The following CERS6 variants were observed in gnomAD, a reference collection of about 807,000 sequenced individuals.
The protein encoded by CERS6 is ceramide synthase 6.
Under a neutral mutation model 56.8 loss-of-function variants are expected in CERS6, and 26 were observed. The ratio of observed to expected loss-of-function variants is 0.46; its 90% confidence interval spans 0.34 to 0.63. The LOEUF is 0.63. CERS6 is among the 30% of genes least tolerant of loss of function. The pLI is 0.01. For missense variants in CERS6, 415 were observed against 467.5 expected, an observed-to-expected ratio of 0.89 and a Z score of 1.04; for synonymous variants, 164 against 173.3, an observed-to-expected ratio of 0.95 and a Z score of 0.42.
At chr2:168,577,260 G>A (rs1683297445) in intron 3 of CERS6, among the ~76,000 whole-genome samples, 2 of 152,290 alleles carry the variant, frequency 1.3e-5, no homozygotes, top group East Asian at 1.9e-4. Context: ...AGATAGGTGA[G>A]TGAGGAGGCC....
intron 8 of CERS6, among the ~76,000 whole-genome samples, chr2:168,761,760 C>T (rs1234470221): frequency 6.6e-6 from 1 of 152,104 alleles, no homozygotes; most frequent in Non-Finnish European, 1.5e-5. Context: ...AGAGTTGAGC[C>T]TTGTTGTCCC....
At chr2:168,481,785 G>A (rs1694182636) in intron 1 of CERS6, among the ~76,000 whole-genome samples, 1 of 152,180 alleles carries the variant, frequency 6.6e-6, no homozygotes, top group Non-Finnish European at 1.5e-5. Context: ...TTTACTTATT[G>A]AGCTAAGAAA....
Position 168,484,167 on chromosome 2 carries a change from G to GTTTTTTTTT in CERS6, c.170+27572_170+27580dup, listed in dbSNP as rs34492119. Among the ~76,000 whole-genome samples, 19 of 51,614 alleles carry GTTTTTTTTT rather than the reference G, an allele frequency of 3.7e-4. 1 individual carries two copies. Among genetic ancestry groups the GTTTTTTTTT allele is most frequent in the Non-Finnish European group, 4.4e-4 (12 of 27,048 alleles). 33.9% of individuals were successfully genotyped at this position (51,614 alleles called of 152,430 possible). ...TTTTCTTTTTCTTTTTCTTTTTTCT[G>GTTTTTTTTT]TTTTTTTTTTTTTTTTTTTTTTTTT... is the stretch of plus-strand genomic sequence containing the variant. On this transcript the variant is annotated intron_variant, in intron 1 of 9. Transcript: ENST00000305747.
rs115102993 is a variant in CERS6 at position 168,530,466 on chromosome 2, G to A, written c.171-17130G>A. 4.9e-3 allele frequency among the ~76,000 whole-genome samples: 749 copies of A among 152,228 alleles called. 6 individuals are homozygous for A. Among genetic ancestry groups the A allele is most frequent in the African/African-American group, 0.016 (683 of 41,526 alleles). On this transcript the variant is annotated intron_variant, in intron 1 of 9. Coordinates refer to ENST00000305747, the MANE Select transcript of CERS6 (RefSeq NM_203463.3). ...TATCTTAAAGACTTTCTCGACAAGGGTATTTTCGTATATAAATACATACCA... is the reference window on the plus strand; with the variant it reads ...TATCTTAAAGACTTTCTCGACAAGGATATTTTCGTATATAAATACATACCA...
chr2:168,669,201 CT>C (rs1685846028), intron 4 of CERS6, among the ~76,000 whole-genome samples: 1 of 152,204 alleles, frequency 6.6e-6, no homozygotes, highest in African/African-American at 2.4e-5. Context: ...TACACAGCTT[CT>C]ATCTTCCAGA....
intron 3 of CERS6, among the ~76,000 whole-genome samples, chr2:168,615,384 A>G (rs1426348153): frequency 2.0e-5 from 3 of 152,194 alleles, no homozygotes; most frequent in African/African-American, 7.2e-5. Context: ...GATTGACCTG[A>G]AAAAGAATCC....
At chr2:168,655,063 A>G (rs1412772786) in intron 4 of CERS6, among the ~76,000 whole-genome samples, 1 of 152,232 alleles carries the variant, frequency 6.6e-6, no homozygotes, top group African/African-American at 2.4e-5. Context: ...CTGATTTTTA[A>G]AAGTGGGCAA....
rs74872566 is a variant in CERS6 at position 168,666,085 on chromosome 2, C to G, written c.466-24949C>G. Among the ~76,000 whole-genome samples, 2,198 of 151,932 alleles carry G rather than the reference C, an allele frequency of 0.014. 110 individuals are homozygous for G. The East Asian group carries it at 0.16, about 11-fold the overall frequency. ...CATCACCCCCTGACCCCTGCACTCC[C>G]CAGTTTTCCCTTTTATTTACATCTT... is the stretch of plus-strand genomic sequence containing the variant. On this transcript the variant is annotated intron_variant, in intron 4 of 9. Coordinates refer to ENST00000305747, the MANE Select transcript of CERS6 (RefSeq NM_203463.3).
intron 1 of CERS6, among the ~76,000 whole-genome samples, chr2:168,473,827 T>C (rs550453196): frequency 1.3e-5 from 2 of 152,350 alleles, no homozygotes; most frequent in South Asian, 4.1e-4. Context: ...GTAGTTGATA[T>C]ACATGTCCTT....
intron 1 of CERS6, among the ~76,000 whole-genome samples, chr2:168,496,290 A>G (rs1170247402): frequency 6.6e-6 from 1 of 152,158 alleles, no homozygotes. Context: ...TGACACTAGT[A>G]TAGTAGTTTT....
chr2:168,489,191 T>G (rs1177708310), intron 1 of CERS6, among the ~76,000 whole-genome samples: 1 of 152,168 alleles, frequency 6.6e-6, no homozygotes, highest in Non-Finnish European at 1.5e-5. Flanking sequence ...GGTTGGTGGA[T>G]TTTTTTCCTT....
rs565196532 is a variant in CERS6 at position 168,706,046 on chromosome 2, A to G, written c.610-8955A>G. 8.1e-4 allele frequency among the ~76,000 whole-genome samples: 123 copies of G among 152,314 alleles called. 2 individuals carry two copies. Among genetic ancestry groups the G allele is most frequent in the Admixed American group, 8.0e-3 (122 of 15,304 alleles). On this transcript the variant is annotated intron_variant, in intron 6 of 9. Coordinates refer to ENST00000305747, the MANE Select transcript of CERS6 (RefSeq NM_203463.3). ...ATCTCCAGGCACTTGTGATTTAGCA[A>G]GGCTCGTAGTGATAGAGAGCTTCTG... is the stretch of plus-strand genomic sequence containing the variant.
At chr2:168,623,546 G>A (rs1684522577) in intron 3 of CERS6, among the ~76,000 whole-genome samples, 1 of 152,112 alleles carries the variant, frequency 6.6e-6, no homozygotes, top group South Asian at 2.1e-4. Flanking sequence ...AAAGAATTTT[G>A]TATCTGAATC....
At chr2:168,728,536 C>A (rs1197442958) in intron 8 of CERS6, among the ~76,000 whole-genome samples, 1 of 151,232 alleles carries the variant, frequency 6.6e-6, no homozygotes, top group East Asian at 2.0e-4. Context: ...ATTAAAAGCA[C>A]CCACCACGCC....
chr2:168,508,688 A>C (rs1020279498), intron 1 of CERS6, among the ~76,000 whole-genome samples: 4 of 151,518 alleles, frequency 2.6e-5, no homozygotes, highest in Non-Finnish European at 5.9e-5. Flanking sequence ...AGGGAGGGGA[A>C]CATCACACAC....
intron 6 of CERS6, among the ~76,000 whole-genome samples, chr2:168,696,522 C>T (rs1686650971): frequency 6.6e-6 from 1 of 152,190 alleles, no homozygotes; most frequent in Non-Finnish European, 1.5e-5. Flanking sequence ...AATGCAATGT[C>T]TTAATCCAAT....
At position 168,772,286 on chromosome 2, in the gene CERS6, T is replaced by A. The variant is rs1010860749; in HGVS notation, c.*2624T>A. On this transcript the variant is annotated 3_prime_UTR_variant, in exon 10 of 10. Transcript: ENST00000305747. ...GTACAAAGGGGTATGTAGAAAGGAT[T>A]CCAGAAGAAGTAATACTTTATTCTC... 1 of 152,602 alleles carries A rather than the reference T, an allele frequency of 6.6e-6. No homozygotes were observed. Among genetic ancestry groups the A allele is most frequent in the Non-Finnish European group, 1.5e-5 (1 of 68,042 alleles). The allele number at this position is 152,602 out of a possible 1,614,324, so 9.5% of individuals were successfully genotyped here. A position where few individuals can be genotyped will look rare whatever the true frequency, so the allele number is the denominator to read the frequency against.
At chr2:168,617,538 GA>G (rs1684346730) in intron 3 of CERS6, among the ~76,000 whole-genome samples, 2 of 152,194 alleles carry the variant, frequency 1.3e-5, no homozygotes, top group Non-Finnish European at 2.9e-5. Flanking sequence ...AATTAGAAAT[GA>G]AACAGGAGGT....
chr2:168,641,396 G>C (rs367906023), intron 4 of CERS6, among the ~76,000 whole-genome samples: 106 of 152,278 alleles, frequency 7.0e-4, no homozygotes, highest in African/African-American at 2.4e-3. Flanking sequence ...TAGCAACTTT[G>C]ACAAAGGCAA....
Sources: allele counts gnomAD v4.1 joint callset (sites outside exome capture counted in the v4.1 genomes callset), GRCh38; gene constraint gnomAD v4.1.1; transcripts MANE v1.5; gene names NCBI Gene and HGNC (gene_info 2026-07-23, HGNC 2026-07-21).